BID: variants seen among roughly 807,000 people sequenced by gnomAD.
BID encodes BH3 interacting domain death agonist.
Under a neutral mutation model 17.4 loss-of-function variants are expected in BID, and 19 were observed. That is an observed-to-expected ratio of 1.09 (90% CI 0.76 to 1.60). BID has a LOEUF of 1.60. Ranked by LOEUF, BID falls within the 40% of genes most tolerant of loss-of-function variation. The pLI is 0.00. For synonymous variants in BID, 108 were observed against 102.8 expected (o/e 1.05, Z -0.31); for missense variants, 226 against 256.0 (o/e 0.88, Z 0.80).
chr22:17,773,874 C>T lies in BID; in HGVS notation c.-59+507G>A. On this transcript the variant is annotated intron_variant, in intron 1 of 5. Transcript: ENST00000622694. This position sits in a 1 kb window ranked among gnomAD's most constrained non-coding sequence, Gnocchi z 4.4. The stretch of plus-strand genomic sequence containing the variant: ...GCGGGCGAGCCCCAGTAAGCGGCCG[C>T]TCTGACCGCGCTTTGTCAGCCCTGA... 7 of 641,764 alleles carry T rather than the reference C, an allele frequency of 1.1e-5. No homozygotes were observed. Among genetic ancestry groups the T allele is most frequent in the South Asian group, 1.9e-5 (1 of 52,860 alleles). The allele number at this position is 641,764 out of a possible 1,614,324, so 39.8% of individuals were successfully genotyped here. A position where few individuals can be genotyped will look rare whatever the true frequency, so the allele number is the denominator to read the frequency against.
At chr22:17,756,886 T>C (rs552837078) in intron 1 of BID, among the ~76,000 whole-genome samples, 15 of 152,264 alleles carry the variant, frequency 9.9e-5, no homozygotes, top group South Asian at 2.1e-4. Flanking sequence ...AAGGATTCTT[T>C]AACACAAAAG....
intron 1 of BID, among the ~76,000 whole-genome samples, chr22:17,751,066 C>G (rs567091123): frequency 6.6e-6 from 1 of 151,852 alleles, no homozygotes; most frequent in South Asian, 2.1e-4. Context: ...GGCATCAGTA[C>G]AGTAAGCTGT....
chr22:17,759,444 C>T (rs1349243555), intron 1 of BID, among the ~76,000 whole-genome samples: 1 of 151,586 alleles, frequency 6.6e-6, no homozygotes, highest in Non-Finnish European at 1.5e-5. Context: ...CCCAGCTACT[C>T]GGGAGGCTGA....
chr22:17,745,520 T>A (rs2061489546), intron 2 of BID, among the ~76,000 whole-genome samples: 1 of 151,668 alleles, frequency 6.6e-6, no homozygotes, highest in South Asian at 2.1e-4. Context: ...CAAGGTGGCA[T>A]GCACCTGCAG....
At position 17,773,909 on chromosome 22, in the gene BID, G is replaced by A. The variant is rs1325996908; in HGVS notation, c.-59+472C>T. On this transcript the variant is annotated intron_variant, in intron 1 of 5. Coordinates refer to ENST00000622694, the MANE Select transcript of BID (RefSeq NM_001196.4). This position sits in a 1 kb window ranked among gnomAD's most constrained non-coding sequence, Gnocchi z 4.4. ...GCTTTGTCAGCCCTGAGCTCCGCTC[G>A]GGAGGAGCCGGCAGGTGTCTGCGGT... is the stretch of plus-strand genomic sequence containing the variant. The A allele has an allele frequency of 1.7e-6, 1 of 591,766 alleles. No homozygotes were observed. Among genetic ancestry groups the A allele is most frequent in the Non-Finnish European group, 3.0e-6 (1 of 331,634 alleles). 36.7% of individuals were successfully genotyped at this position (591,766 alleles called of 1,614,324 possible).
intron 1 of BID, among the ~76,000 whole-genome samples, chr22:17,763,850 C>CT (rs2061659661): frequency 2.6e-5 from 4 of 151,312 alleles, no homozygotes; most frequent in Admixed American, 2.6e-4. Flanking sequence ...AATGCTTACT[C>CT]TTTTTAAACA....
intron 2 of BID, among the ~76,000 whole-genome samples, chr22:17,746,703 G>A (rs939090765): frequency 3.3e-5 from 5 of 152,216 alleles, no homozygotes; most frequent in African/African-American, 1.2e-4. Context: ...TCCAATGACT[G>A]GTGTCTTTGT....
intron 2 of BID, among the ~76,000 whole-genome samples, chr22:17,749,316 GC>G (rs1008652855): frequency 6.6e-6 from 1 of 152,130 alleles, no homozygotes; most frequent in Non-Finnish European, 1.5e-5. Context: ...GAAGGCGGGG[GC>G]TCCGGGCTCC....
At chr22:17,743,676 G>A (rs911167425) in intron 3 of BID, 127 bp downstream of exon 3, 21 of 924,196 alleles carry the variant, frequency 2.3e-5, no homozygotes, top group Admixed American at 5.2e-5. Context: ...TGATACCAGC[G>A]TACGTGGCAG....
chr22:17,767,877 G>A (rs564561196), intron 1 of BID, among the ~76,000 whole-genome samples: 1 of 152,288 alleles, frequency 6.6e-6, no homozygotes, highest in East Asian at 1.9e-4. Flanking sequence ...CTTGAGCCCA[G>A]GAGTTTGAGG....
chr22:17,735,838 T>C (rs2048213185), intron 5 of BID, among the ~76,000 whole-genome samples: 1 of 152,160 alleles, frequency 6.6e-6, no homozygotes, highest in African/African-American at 2.4e-5. Flanking sequence ...CCCTGCTGGG[T>C]CAGAGGAATC....
intron 2 of BID, among the ~76,000 whole-genome samples, 154 bp from the exon 3 acceptor site, chr22:17,744,167 A>T (rs2061480218): frequency 6.6e-6 from 1 of 152,174 alleles, no homozygotes; most frequent in South Asian, 2.1e-4. Context: ...AGGTCTCAAC[A>T]GGCAGAGGCA....
chr22:17,740,305 C>A (rs886325806), intron 3 of BID: 2 of 791,314 alleles, frequency 2.5e-6, no homozygotes, highest in South Asian at 1.6e-5. Context: ...CAGGTGTGGT[C>A]ATGCATGCCT....
intron 1 of BID, among the ~76,000 whole-genome samples, chr22:17,756,461 TTC>T (rs1491182531): frequency 2.0e-5 from 2 of 100,394 alleles, no homozygotes; most frequent in Non-Finnish European, 4.6e-5. Flanking sequence ...CTTTCTTTCT[TTC>T]TTTCTTTCTT....
Position 17,734,224 on chromosome 22 carries a change from A to G in BID, c.*1356T>C, listed in dbSNP as rs1460775054. 1 of 152,216 alleles carries G rather than the reference A, an allele frequency of 6.6e-6. No homozygotes were observed. Among genetic ancestry groups the G allele is most frequent in the Non-Finnish European group, 1.5e-5 (1 of 68,034 alleles). The allele number at this position is 152,216 out of a possible 1,614,324, so 9.4% of individuals were successfully genotyped here. A position where few individuals can be genotyped will look rare whatever the true frequency, so the allele number is the denominator to read the frequency against. On this transcript the variant is annotated 3_prime_UTR_variant, in exon 6 of 6. Coordinates refer to ENST00000622694, the MANE Select transcript of BID (RefSeq NM_001196.4). Reference sequence around the variant, plus strand: ...TTTTAGTATTTGTAAGCTTTTGCCCACTTTCAATTGAGCCAGCCCTAGCGT... The same window carrying G: ...TTTTAGTATTTGTAAGCTTTTGCCCGCTTTCAATTGAGCCAGCCCTAGCGT...
chr22:17,762,489 C>G (rs960032518), intron 1 of BID, among the ~76,000 whole-genome samples: 1 of 152,100 alleles, frequency 6.6e-6, no homozygotes, highest in African/African-American at 2.4e-5. Context: ...GAGCAAGACT[C>G]TGTCTCAAAA....
intron 3 of BID, chr22:17,739,974 G>C (rs1002571647): frequency 1.1e-5 from 13 of 1,204,638 alleles, no homozygotes; most frequent in South Asian, 9.1e-5. Flanking sequence ...CACTGGCACC[G>C]GCAAGGCCCT....
At chr22:17,763,706 C>T (rs2061658244) in intron 1 of BID, among the ~76,000 whole-genome samples, 1 of 142,592 alleles carries the variant, frequency 7.0e-6, no homozygotes. Flanking sequence ...AACATGAAAA[C>T]ATACTTTTTT....
At chr22:17,757,661 A>G (rs1165446524) in intron 1 of BID, among the ~76,000 whole-genome samples, 2 of 150,812 alleles carry the variant, frequency 1.3e-5, no homozygotes, top group East Asian at 3.9e-4. Flanking sequence ...GTGAGCCAAG[A>G]TAGCGCCACT....
Sources: gnomAD v4.1 joint callset for allele counts (sites outside exome capture counted in the v4.1 genomes callset) on GRCh38, gnomAD v4.1.1 for gene constraint, Gnocchi (gnomAD v3.1) non-coding constraint, MANE v1.5 for transcripts, NCBI Gene and HGNC (gene_info 2026-07-23, HGNC 2026-07-21) for gene names.